Variants in TAF5 observed in about 807,000 individuals in gnomAD.
The protein encoded by TAF5 is TATA-box binding protein associated factor 5, also known as transcription initiation factor TFIID subunit 5.
TAF5 carries 20 observed loss-of-function variants against 80.9 expected under a neutral mutation model. The ratio of observed to expected loss-of-function variants is 0.25; its 90% CI spans 0.17 to 0.36. The LOEUF is 0.36. Ranked by LOEUF, TAF5 falls within the 10% of genes least tolerant of loss-of-function variation. The pLI is 1.00. For missense variants in TAF5, 863 were observed against 1,029.4 expected (o/e 0.84, Z 2.21); for synonymous variants, 388 against 406.4 (o/e 0.95, Z 0.55).
chr10:103,385,176 G>A, intron 7 of TAF5, 150 bp from the exon 8 acceptor site: 1 of 608,210 alleles, frequency 1.6e-6, no homozygotes. Context: ...TGAATTGCGT[G>A]TATGAATTAA....
Position 103,380,071 on chromosome 10 carries a change from A to C in TAF5, c.1413+52A>C, listed in dbSNP as rs770690100. The C allele has an allele frequency of 1.9e-6, 3 of 1,563,606 alleles. No individual in the cohort carries two copies. The Admixed American group carries it at 5.9e-5, about 31-fold the overall frequency. On this transcript the variant is annotated intron_variant, in intron 5 of 10. Coordinates refer to ENST00000369839, the MANE Select transcript of TAF5 (RefSeq NM_006951.5). The stretch of plus-strand genomic sequence containing the variant: ...GCCTGGAGAGTCATGTAGGATGATG[A>C]TTTACCATTAAGAGAGAAACAAATG...
At position 103,387,190 on chromosome 10, in the gene TAF5, C is replaced by T. The variant is rs761860496; in HGVS notation, c.1845C>T (p.Asp615=). 5.0e-6 allele frequency: 8 copies of T among 1,613,712 alleles called. No individual in the cohort carries two copies. The highest frequency in any genetic ancestry group is 6.8e-6 in the Non-Finnish European group (8 of 1,179,772). The part of the protein sequence containing the change: ...HDRVARLWAT[D]HYQPLRIFAG... ...TTTATAAAAGGCTCTGGGCTACAGA[C>T]CACTATCAGCCTTTAAGAATATTTG... The change falls in exon 9 of 11, where the codon GAC becomes GAT. Residue 615 remains aspartate, a synonymous_variant. Transcript: ENST00000369839.
At chr10:103,369,944 G>A (rs536762348) in intron 1 of TAF5, among the ~76,000 whole-genome samples, 112 of 151,880 alleles carry the variant, frequency 7.4e-4, no homozygotes, top group African/African-American at 2.6e-3. Flanking sequence ...TTTTACCTTC[G>A]TATTGGCCGG....
chr10:103,368,177 C>T lies in TAF5; in HGVS notation c.188C>T (p.Thr63Ile). 7.2e-7 allele frequency: 1 copy of T among 1,389,482 alleles called. No homozygotes were observed. Among genetic ancestry groups the T allele is most frequent in the Non-Finnish European group, 9.3e-7 (1 of 1,073,644 alleles). 86.1% of individuals were successfully genotyped at this position (1,389,482 alleles called of 1,614,324 possible). A position where few individuals can be genotyped will look rare whatever the true frequency, so the allele number is the denominator to read the frequency against. Residue 63 changes from threonine to isoleucine, a missense_variant, in exon 1 of 11, where the codon ACC (threonine) becomes ATC (isoleucine). By Grantham distance (89) the Thr-to-Ile change is moderately conservative. Transcript: ENST00000369839. ...TCGTCCACTGGCGGGGATGGCGGGA[C>T]CCCCAAGCCCACGGTGGCTGTCTCC... ...ASSSTGGDGGTPKPTVAVSAA... is the reference protein window; with the variant it reads ...ASSSTGGDGGIPKPTVAVSAA...
Position 103,380,617 on chromosome 10 carries a change from A to AT in TAF5, c.1413+613dup, listed in dbSNP as rs1344591567. Among the ~76,000 whole-genome samples the AT allele has an allele frequency of 1.9e-3, 274 of 144,262 alleles. 2 individuals are homozygous for AT. The highest frequency in any genetic ancestry group is 2.2e-3 in the South Asian group (10 of 4,510). The allele number at this position is 144,262 out of a possible 152,430, so 94.6% of individuals were successfully genotyped here. A position where few individuals can be genotyped will look rare whatever the true frequency, so the allele number is the denominator to read the frequency against. ...AGTACTTACGTAAACTTATTTATCA[A>AT]TTTTTTTTTTTTTTTGAGACAGAGT... On this transcript the variant is annotated intron_variant, in intron 5 of 10. Coordinates refer to ENST00000369839, the MANE Select transcript of TAF5 (RefSeq NM_006951.5).
Position 103,378,362 on chromosome 10 carries a change from A to G in TAF5, c.925A>G (p.Ile309Val), listed in dbSNP as rs2093374393. 1.2e-6 allele frequency: 2 copies of G among 1,614,058 alleles called. No individual in the cohort carries two copies. Among genetic ancestry groups the G allele is most frequent in the Non-Finnish European group, 1.7e-6 (2 of 1,180,040 alleles). ...TCGAACAAGTAAATTTGTTCTGCGT[A>G]TTTCCCGTGACTCGTACCAACTCTT... ...DFRTSKFVLRISRDSYQLLKR... is the reference protein window; with the variant it reads ...DFRTSKFVLRVSRDSYQLLKR... The change falls in exon 3 of 11, where the codon ATT (isoleucine) becomes GTT (valine). Residue 309 changes from isoleucine (I) to valine (V), a missense_variant. Transcript: ENST00000369839. This position sits in a 1 kb window ranked among gnomAD's most constrained non-coding sequence, Gnocchi z 4.1.
At chr10:103,376,233 A>G (rs998912856) in intron 2 of TAF5, among the ~76,000 whole-genome samples, 10 of 151,844 alleles carry the variant, frequency 6.6e-5, no homozygotes, top group African/African-American at 1.7e-4. Context: ...CTGGGATTAC[A>G]GGCATGCATC....
chr10:103,380,370 C>T (rs560689715), intron 5 of TAF5, among the ~76,000 whole-genome samples: 12 of 152,214 alleles, frequency 7.9e-5, no homozygotes, highest in East Asian at 3.9e-4. Context: ...CCTTGTGATC[C>T]GCCTGCCTCA....
At chr10:103,381,290 G>T (rs2093382334) in intron 5 of TAF5, among the ~76,000 whole-genome samples, 1 of 151,100 alleles carries the variant, frequency 6.6e-6, no homozygotes. Flanking sequence ...TTTTTGAGAT[G>T]GAGTCTCACT....
At chr10:103,375,591 A>T (rs2093368586) in intron 2 of TAF5, among the ~76,000 whole-genome samples, 1 of 152,110 alleles carries the variant, frequency 6.6e-6, no homozygotes, top group Non-Finnish European at 1.5e-5. Context: ...TATTAATTGG[A>T]GTTGTGTGCA....
intron 6 of TAF5, among the ~76,000 whole-genome samples, chr10:103,382,249 G>A (rs755826301): frequency 4.6e-5 from 7 of 152,030 alleles, no homozygotes; most frequent in Non-Finnish European, 1.0e-4. Context: ...ACAGAGTCTC[G>A]CCCTGTCACC....
At chr10:103,384,531 C>T (rs61871160) in intron 7 of TAF5, among the ~76,000 whole-genome samples, 60,939 of 151,750 alleles carry the variant, frequency 0.4, 13,097 homozygotes, top group South Asian at 0.64. Context: ...CTTGGGAGGC[C>T]GAGGCAGGAA....
rs2133619609 is a variant in TAF5 at position 103,368,511 on chromosome 10, C to G, written c.522C>G (p.Val174=). The G allele has an allele frequency of 6.4e-7, 1 of 1,565,368 alleles. No individual in the cohort carries two copies. Among genetic ancestry groups the G allele is most frequent in the Non-Finnish European group, 8.6e-7 (1 of 1,165,164 alleles). The part of the protein sequence containing the change: ...PGTGASGATV[V]SGSASGPAAP... The stretch of plus-strand genomic sequence containing the variant: ...CTGGCGCTTCGGGGGCCACGGTCGT[C>G]TCAGGTTCAGCCTCAGGTCCTGCGG... Residue 174 remains valine, a synonymous_variant, in exon 1 of 11, where the codon GTC becomes GTG. Transcript: ENST00000369839.
chr10:103,373,448 A>G lies in TAF5; in HGVS notation c.650A>G (p.Tyr217Cys). 1.2e-6 allele frequency: 2 copies of G among 1,614,172 alleles called. No homozygotes were observed. The highest frequency in any genetic ancestry group is 1.7e-6 in the Non-Finnish European group (2 of 1,180,014). The change falls in exon 2 of 11, where the codon TAC becomes TGC. Residue 217 changes from tyrosine (Y) to cysteine (C), a missense_variant. Physicochemically the swap from Tyr to Cys is radical, Grantham distance 194. Around this residue, in one of 3 missense-constraint regions of TAF5, gnomAD observed 367 missense variants for 335.5 expected, o/e 1.09. Coordinates refer to ENST00000369839, the MANE Select transcript of TAF5 (RefSeq NM_006951.5). ...GGAGATCCCACAATGTATGAAGAATACTATAGTGGACTGAAACACTTCATT... is the reference window on the plus strand; with the variant it reads ...GGAGATCCCACAATGTATGAAGAATGCTATAGTGGACTGAAACACTTCATT... The part of the protein sequence containing the change: ...QQGDPTMYEE[Y>C]YSGLKHFIEC...
chr10:103,379,776 G>T lies in TAF5; in HGVS notation c.1277+5G>T. Reference sequence around the variant, plus strand: ...CAATGCTCCACCTCAGAACAGGTGAGGAAAAAACTTCAGGAACTTGTGTGT... The same window carrying T: ...CAATGCTCCACCTCAGAACAGGTGATGAAAAAACTTCAGGAACTTGTGTGT... On this transcript the variant is annotated splice_donor_5th_base_variant and intron_variant, in intron 4 of 10. Coordinates refer to ENST00000369839, the MANE Select transcript of TAF5 (RefSeq NM_006951.5). The T allele has an allele frequency of 6.3e-7, 1 of 1,591,768 alleles. No homozygotes were observed. The highest frequency in any genetic ancestry group is 8.5e-7 in the Non-Finnish European group (1 of 1,174,010).
chr10:103,372,223 C>G (rs2093361110), intron 1 of TAF5, among the ~76,000 whole-genome samples: 1 of 151,764 alleles, frequency 6.6e-6, no homozygotes, highest in Non-Finnish European at 1.5e-5. Context: ...GTGTGAGCCA[C>G]CGTGTTGGCC....
intron 7 of TAF5, among the ~76,000 whole-genome samples, chr10:103,384,226 T>G (rs1031542092): frequency 2.0e-5 from 3 of 152,260 alleles, no homozygotes; most frequent in Non-Finnish European, 4.4e-5. Context: ...ATGATTACAA[T>G]GTCATCCTAT....
chr10:103,373,307 C>T (rs2093363862), intron 1 of TAF5, 51 bp from the exon 2 acceptor site: 1 of 1,486,316 alleles, frequency 6.7e-7, no homozygotes, highest in Non-Finnish European at 9.3e-7. Flanking sequence ...CAGCCATAGT[C>T]ACATGGTCAT....
chr10:103,387,362 AC>A lies in TAF5; in HGVS notation c.2007+11del, dbSNP rs2093399271. 1.3e-6 allele frequency: 2 copies of A among 1,596,514 alleles called. No individual in the cohort carries two copies. Among genetic ancestry groups the A allele is most frequent in the Admixed American group, 1.8e-5 (1 of 55,588 alleles). On this transcript the variant is annotated intron_variant, in intron 9 of 10. Coordinates refer to ENST00000369839, the MANE Select transcript of TAF5 (RefSeq NM_006951.5). ...CTTCACTGGACACAAGGTATTTTAC[AC>A]TCTTACTATTCCAGCATCCAAGGTT...
Sources: gnomAD v4.1 joint callset for allele counts (sites outside exome capture counted in the v4.1 genomes callset) on GRCh38, gnomAD v4.1.1 for gene constraint, gnomAD v4.1.1 regional missense constraint, Gnocchi (gnomAD v3.1) non-coding constraint, MANE v1.5 for transcripts, NCBI Gene and HGNC (gene_info 2026-07-23, HGNC 2026-07-21) for gene names.